Variants in POLQ observed in about 807,000 individuals in gnomAD.
The protein encoded by POLQ is DNA polymerase theta.
A neutral mutation model predicts 259.2 loss-of-function variants in POLQ; 233 were observed. The observed-to-expected ratio is 0.90, with a 90% confidence interval of 0.81 to 1.00. The LOEUF is 1.00. Ranked by LOEUF, POLQ falls within the 50% of genes least tolerant of loss-of-function variation. The pLI is 0.00. For missense variants in POLQ, 2,871 were observed against 3,051.6 expected, an observed-to-expected ratio of 0.94 and a Z score of 1.39; for synonymous variants, 1,025 against 1,048.8, an observed-to-expected ratio of 0.98 and a Z score of 0.44.
chr3:121,458,466 G>A (rs1172729452), intron 25 of POLQ, among the ~76,000 whole-genome samples: 1 of 152,068 alleles, frequency 6.6e-6, no homozygotes, highest in African/African-American at 2.4e-5. Flanking sequence ...TTTATTCTTG[G>A]TCTACCACTT....
intron 14 of POLQ, among the ~76,000 whole-genome samples, chr3:121,495,396 T>C (rs16832352): frequency 0.017 from 2,641 of 152,312 alleles, 66 homozygotes; most frequent in African/African-American, 0.059. Context: ...GAAAGGTTGC[T>C]GAGCTCAATA....
intron 24 of POLQ, among the ~76,000 whole-genome samples, chr3:121,465,239 G>A (rs921012911): frequency 6.6e-6 from 1 of 151,808 alleles, no homozygotes; most frequent in South Asian, 2.1e-4. Flanking sequence ...CTACAGGTGC[G>A]CACCACCATG....
intron 3 of POLQ, among the ~76,000 whole-genome samples, chr3:121,541,106 C>T (rs2048486260): frequency 6.6e-6 from 1 of 152,144 alleles, no homozygotes; most frequent in African/African-American, 2.4e-5. Flanking sequence ...GTCTCGATCT[C>T]CTGACCTCAG....
At position 121,432,952 on chromosome 3, in the gene POLQ, A is replaced by G; in HGVS notation, c.7625T>C (p.Leu2542Pro). The stretch of plus-strand genomic sequence containing the variant: ...ATCTTCTTCTGCCACTTCATATAGG[A>G]GTTCATCATGGAGTTGAAGGATGAA... ...GFFILQLHDE[L>P]LYEVAEEDVV... is the part of the protein sequence containing the mutation. The change falls in exon 29 of 30, where the codon CTC becomes CCC. Residue 2542 changes from leucine to proline, a missense_variant. Leu to Pro is a moderately conservative substitution (Grantham distance 98, BLOSUM62 -3). Around this residue, in one of 3 missense-constraint regions of POLQ, gnomAD observed 2,080 missense variants for 2,126.0 expected, o/e 0.98. Transcript: ENST00000264233. 1 of 1,607,156 alleles carries G rather than the reference A, an allele frequency of 6.2e-7. No individual in the cohort carries two copies. Among genetic ancestry groups the G allele is most frequent in the Non-Finnish European group, 8.5e-7 (1 of 1,173,690 alleles).
At chr3:121,467,677 CA>C in intron 23 of POLQ, 37 bp from the exon 24 acceptor site, 2 of 1,604,506 alleles carry the variant, frequency 1.2e-6, no homozygotes, top group Non-Finnish European at 1.7e-6. Flanking sequence ...AGACATGAAG[CA>C]GTCTCAAATA....
rs528925850 is a variant in POLQ at position 121,489,770 on chromosome 3, C to T, written c.3161G>A (p.Ser1054Asn). ...RRKHLKRSRD[S>N]SPLKDSGACR... The stretch of plus-strand genomic sequence containing the variant: ...CGCTCCAGAGTCTTTCAGGGGGCTG[C>T]TGTCCCTAGATCGCTTTAGATGCTT... The change falls in exon 16 of 30, where the codon AGC (serine) becomes AAC (asparagine). Residue 1054 changes from serine to asparagine, a missense_variant. By Grantham distance (46) the Ser-to-Asn change is conservative. Transcript: ENST00000264233. The T allele has an allele frequency of 4.6e-5, 74 of 1,612,364 alleles. 1 individual carries two copies. In the South Asian group the frequency reaches 8.1e-4, roughly 18 times the overall value.
chr3:121,538,325 T>C (rs1313806285), intron 4 of POLQ, among the ~76,000 whole-genome samples: 2 of 152,108 alleles, frequency 1.3e-5, no homozygotes, highest in African/African-American at 4.8e-5. Flanking sequence ...CTTGGAATAA[T>C]TCTTAAGAAT....
intron 5 of POLQ, among the ~76,000 whole-genome samples, chr3:121,534,524 A>T (rs1449435776): frequency 6.6e-6 from 1 of 152,030 alleles, no homozygotes; most frequent in East Asian, 1.9e-4. Context: ...GGGTTTTGCC[A>T]TGTTGGGCAG....
chr3:121,436,975 A>G (rs1235756225), intron 27 of POLQ, among the ~76,000 whole-genome samples: 1 of 152,084 alleles, frequency 6.6e-6, no homozygotes, highest in Non-Finnish European at 1.5e-5. Context: ...ATATATGAAT[A>G]TCATTCCCGG....
intron 12 of POLQ, 90 bp downstream of exon 12, chr3:121,509,471 T>C (rs2048235064): frequency 9.1e-7 from 1 of 1,098,394 alleles, no homozygotes. Context: ...ACAGACGAGA[T>C]GTTCTGTTAG....
In POLQ at chr3:121,489,495, C is replaced by T. The variant is rs751919003; in HGVS notation, c.3436G>A (p.Val1146Met). ...ACCACACTAGTGGCCTGACAAGTCA[C>T]ATTTTTACTCTGAGATCCTGTGACA... The part of the protein sequence containing the change: ...HIVTGSQSKN[V>M]TCQATSVVSE... Residue 1146 changes from valine (V) to methionine (M), a missense_variant, in exon 16 of 30, where the codon GTG becomes ATG. Physicochemically the swap from Val to Met is conservative, Grantham distance 21. Around this residue, in one of 3 missense-constraint regions of POLQ, gnomAD observed 2,080 missense variants for 2,126.0 expected, o/e 0.98. Transcript: ENST00000264233. 12 of 1,614,060 alleles carry T rather than the reference C, an allele frequency of 7.4e-6. No homozygotes were observed. The South Asian group carries it at 9.9e-5, about 13-fold the overall frequency.
At chr3:121,510,289 T>C (rs765058073) in intron 10 of POLQ, 46 bp from the exon 11 acceptor site, 2 of 1,466,506 alleles carry the variant, frequency 1.4e-6, no homozygotes, top group Non-Finnish European at 1.9e-6. Flanking sequence ...TAAGAAAACA[T>C]GCAAGCCACC....
intron 24 of POLQ, 44 bp from the exon 25 acceptor site, chr3:121,460,278 T>C (rs745425428): frequency 7.1e-6 from 10 of 1,415,554 alleles, no homozygotes; most frequent in Non-Finnish European, 1.0e-5. Flanking sequence ...AAAGTTTCTA[T>C]ATCACACAAT....
chr3:121,451,895 C>G (rs989949235), intron 25 of POLQ, among the ~76,000 whole-genome samples: 1 of 152,230 alleles, frequency 6.6e-6, no homozygotes, highest in Admixed American at 6.5e-5. Flanking sequence ...GTGGAGTCTA[C>G]AGAGGCAGGC....
chr3:121,501,229 G>T (rs537856479), intron 12 of POLQ, among the ~76,000 whole-genome samples: 3 of 151,796 alleles, frequency 2.0e-5, no homozygotes, highest in Non-Finnish European at 4.4e-5. Flanking sequence ...CAAAGTGCTG[G>T]GATTACAGGC....
chr3:121,459,369 ATTTTTT>A (rs58859161), intron 25 of POLQ, among the ~76,000 whole-genome samples: 32 of 104,736 alleles, frequency 3.1e-4, no homozygotes, highest in Non-Finnish European at 4.5e-4. Context: ...GACTAGAAAG[ATTTTTT>A]TTTTTTTTTT....
chr3:121,523,682 T>C (rs1222930125), intron 7 of POLQ, among the ~76,000 whole-genome samples: 1 of 151,904 alleles, frequency 6.6e-6, no homozygotes, highest in Non-Finnish European at 1.5e-5. Flanking sequence ...GCCACTGCAT[T>C]CCATCCTGGA....
rs141609967 is a variant in POLQ, at chr3:121,440,574, G to A, written c.7265-458C>T. ...TGGTCTCAAACATCTGAGCTCAAGCGATCTGCCCACCTCCGCCTCCCAAAG... is the reference window on the plus strand; with the variant it reads ...TGGTCTCAAACATCTGAGCTCAAGCAATCTGCCCACCTCCGCCTCCCAAAG... On this transcript the variant is annotated intron_variant, in intron 26 of 29. Coordinates refer to ENST00000264233, the MANE Select transcript of POLQ (RefSeq NM_199420.4). Among the ~76,000 whole-genome samples, 15 of 152,278 alleles carry A rather than the reference G, an allele frequency of 9.9e-5. No individual in the cohort carries two copies. The East Asian group carries it at 2.3e-3, about 24-fold the overall frequency.
chr3:121,441,250 T>TA (rs375425672), intron 26 of POLQ, among the ~76,000 whole-genome samples: 282 of 150,182 alleles, frequency 1.9e-3, no homozygotes, highest in Non-Finnish European at 2.8e-3. Context: ...AGAGCTACTT[T>TA]AAAAAAAAAA....
Sources: allele counts gnomAD v4.1 joint callset (sites outside exome capture counted in the v4.1 genomes callset), GRCh38; gene constraint gnomAD v4.1.1; regional missense constraint gnomAD v4.1.1; transcripts MANE v1.5; gene names NCBI Gene and HGNC (gene_info 2026-07-23, HGNC 2026-07-21).